The following ESRRB variants were observed in gnomAD, a reference collection of about 807,000 sequenced individuals.
ESRRB encodes the protein steroid hormone receptor ERR2.
ESRRB carries 16 observed loss-of-function variants against 46.0 expected under a neutral mutation model. The ratio of observed to expected loss-of-function variants is 0.35; its 90% CI spans 0.24 to 0.53. ESRRB has a LOEUF of 0.53. ESRRB is among the 20% of genes least tolerant of loss of function. The probability of loss-of-function intolerance (pLI) is 0.93; values close to 1 mark genes in which losing one functional copy is unlikely to be tolerated. For synonymous variants in ESRRB, 246 were observed against 259.6 expected, an observed-to-expected ratio of 0.95 and a Z score of 0.50; for missense variants, 488 against 607.4, an observed-to-expected ratio of 0.80 and a Z score of 2.07.
At position 76,481,883 on chromosome 14, in the gene ESRRB, C is replaced by T. The variant is rs576149631; in HGVS notation, c.578-133C>T. 146 of 795,540 alleles carry T rather than the reference C, an allele frequency of 1.8e-4. No individual in the cohort carries two copies. The African/African-American group carries it at 2.0e-3, about 11-fold the overall frequency. 49.3% of individuals were successfully genotyped at this position (795,540 alleles called of 1,614,324 possible). A position where few individuals can be genotyped will look rare whatever the true frequency, so the allele number is the denominator to read the frequency against. On this transcript the variant is annotated intron_variant, in intron 3 of 6. Coordinates refer to ENST00000644823, the MANE Select transcript of ESRRB (RefSeq NM_001379180.1). Reference sequence around the variant, plus strand: ...TCCAGCCACCTGGCCTGAGGCTGGCCGTGGGGCAGCTGTCGAAGGTCATCC... The same window carrying T: ...TCCAGCCACCTGGCCTGAGGCTGGCTGTGGGGCAGCTGTCGAAGGTCATCC...
intron 5 of ESRRB, among the ~76,000 whole-genome samples, chr14:76,488,872 C>A (rs1007796086): frequency 1.3e-5 from 2 of 152,194 alleles, no homozygotes; most frequent in African/African-American, 4.8e-5. Context: ...TCTTATATTG[C>A]AACTTTGTGC....
chr14:76,425,655 T>G (rs967869263), intron 1 of ESRRB, among the ~76,000 whole-genome samples: 6 of 152,212 alleles, frequency 3.9e-5, no homozygotes, highest in African/African-American at 1.4e-4. Flanking sequence ...AAGCCCTCTC[T>G]GGCAGCTCTA....
At chr14:76,416,289 C>T (rs911444072) in intron 1 of ESRRB, among the ~76,000 whole-genome samples, 9 of 152,086 alleles carry the variant, frequency 5.9e-5, no homozygotes, top group African/African-American at 1.9e-4. Flanking sequence ...GCGCCCACCA[C>T]CACACCCAGC....
At chr14:76,333,300 TTA>T (rs1443480341) in intron 1 of ESRRB, among the ~76,000 whole-genome samples, 1 of 19,506 alleles carries the variant, frequency 5.1e-5, no homozygotes. Flanking sequence ...ATTATATATT[TTA>T]TATATATGAT....
chr14:76,437,843 G>C (rs1357529217), intron 1 of ESRRB, among the ~76,000 whole-genome samples: 1 of 152,190 alleles, frequency 6.6e-6, no homozygotes, highest in Non-Finnish European at 1.5e-5. Context: ...GCTGGGATAC[G>C]GGAGGGGAAC....
In ESRRB at chr14:76,494,267, T is replaced by C. The variant is rs185461567; in HGVS notation, c.1120+2551T>C. On this transcript the variant is annotated intron_variant, in intron 6 of 6. Transcript: ENST00000644823. ...TGCATTCTTTGTTAGAGAATCCTAA[T>C]GCTGTTTTTTTAAAGTATAGTTTTA... 2.0e-3 allele frequency among the ~76,000 whole-genome samples: 297 copies of C among 152,212 alleles called. 1 individual carries two copies. The highest frequency in any genetic ancestry group is 6.9e-3 in the African/African-American group (288 of 41,548).
At chr14:76,419,470 T>C (rs890469482) in intron 1 of ESRRB, among the ~76,000 whole-genome samples, 1 of 152,118 alleles carries the variant, frequency 6.6e-6, no homozygotes, top group Non-Finnish European at 1.5e-5. Flanking sequence ...GGTGAGAATA[T>C]TCACCCCCGA....
intron 1 of ESRRB, among the ~76,000 whole-genome samples, chr14:76,431,874 C>T (rs117185209): frequency 0.01 from 1,575 of 152,284 alleles, 15 homozygotes; most frequent in Non-Finnish European, 0.015. Context: ...CAGCTGCCTC[C>T]TGCCTCATCC....
chr14:76,360,484 C>A (rs1371102426), intron 1 of ESRRB, among the ~76,000 whole-genome samples: 34 of 152,174 alleles, frequency 2.2e-4, no homozygotes. Context: ...AGGCTAGAAC[C>A]CATGAAATCA....
chr14:76,404,057 C>T (rs1042419184), intron 1 of ESRRB, among the ~76,000 whole-genome samples: 2 of 152,166 alleles, frequency 1.3e-5, no homozygotes, highest in African/African-American at 2.4e-5. Context: ...ATTGGTGTGA[C>T]TTGGACAAGT....
chr14:76,409,264 T>C (rs1322182016), intron 1 of ESRRB, among the ~76,000 whole-genome samples: 1 of 152,124 alleles, frequency 6.6e-6, no homozygotes, highest in Non-Finnish European at 1.5e-5. Flanking sequence ...TATGTATCAG[T>C]TTTTGGATCT....
Position 76,422,282 on chromosome 14 carries a change from C to T in ESRRB, c.51-17059C>T, listed in dbSNP as rs1374855174. On this transcript the variant is annotated intron_variant, in intron 1 of 6. Coordinates refer to ENST00000644823, the MANE Select transcript of ESRRB (RefSeq NM_001379180.1). ...CTGGAGTACAGTGGCGCAATCTCAGCTCACTGCAACCTCCGCCTCCCGGGT... is the reference window on the plus strand; with the variant it reads ...CTGGAGTACAGTGGCGCAATCTCAGTTCACTGCAACCTCCGCCTCCCGGGT... Among the ~76,000 whole-genome samples, 3 of 146,936 alleles carry T rather than the reference C, an allele frequency of 2.0e-5. No individual in the cohort carries two copies. In the Admixed American group the frequency reaches 2.1e-4, roughly 10 times the overall value.
In ESRRB at chr14:76,363,072, A is replaced by G. The variant is rs566572040; in HGVS notation, c.2+52156A>G. 2.6e-5 allele frequency among the ~76,000 whole-genome samples: 4 copies of G among 152,314 alleles called. No individual in the cohort carries two copies. The South Asian group carries it at 8.3e-4, about 32-fold the overall frequency. On this transcript the variant is annotated intron_variant, in intron 1 of 6. Coordinates refer to the ESRRB transcript ENST00000512784. ...TCCTCTACCCTATCCTTTGATGGTG[A>G]CAGCAAGAAGTGCATCTCCTTGGTT...
At chr14:76,492,747 G>A (rs1890277123) in intron 6 of ESRRB, among the ~76,000 whole-genome samples, 1 of 152,174 alleles carries the variant, frequency 6.6e-6, no homozygotes. Context: ...GGTTTAAGCT[G>A]GAGTTACAAA....
At chr14:76,375,410 T>A (rs1028094145), upstream of ESRRB, among the ~76,000 whole-genome samples, 1 of 152,148 alleles carries the variant, frequency 6.6e-6, no homozygotes, top group Non-Finnish European at 1.5e-5. Flanking sequence ...GGTAAGTTGA[T>A]CATTTTCACC....
At chr14:76,432,520 C>T (rs1469397542) in intron 1 of ESRRB, among the ~76,000 whole-genome samples, 3 of 152,310 alleles carry the variant, frequency 2.0e-5, no homozygotes, top group Middle Eastern at 3.4e-3. Context: ...TCCTACTTCA[C>T]AGAGTCACTG....
intron 3 of ESRRB, among the ~76,000 whole-genome samples, chr14:76,465,998 C>T (rs1366468536): frequency 3.3e-5 from 5 of 152,252 alleles, no homozygotes; most frequent in Admixed American, 1.3e-4. Flanking sequence ...CTCTTGGCAG[C>T]TGCCTGGCTT....
Position 76,401,729 on chromosome 14 carries a change from A to C in ESRRB, c.50+25278A>C, listed in dbSNP as rs80141504. 4.0e-3 allele frequency among the ~76,000 whole-genome samples: 610 copies of C among 152,340 alleles called. 4 individuals carry two copies. Among genetic ancestry groups the C allele is most frequent in the African/African-American group, 0.014 (589 of 41,576 alleles). On this transcript the variant is annotated intron_variant, in intron 1 of 6. Coordinates refer to ENST00000644823, the MANE Select transcript of ESRRB (RefSeq NM_001379180.1). ...ATACAGCCTAGGGGTGTAGTAGGCT[A>C]TGCCATCTAGGCTTGTGCAAGTACA...
chr14:76,409,329 G>A (rs1886333035), intron 1 of ESRRB, among the ~76,000 whole-genome samples: 1 of 152,188 alleles, frequency 6.6e-6, no homozygotes, highest in South Asian at 2.1e-4. Context: ...TAAATGGGAA[G>A]GAGTTGGAGG....
Sources: gnomAD v4.1 joint callset for allele counts (sites outside exome capture counted in the v4.1 genomes callset) on GRCh38, gnomAD v4.1.1 for gene constraint, MANE v1.5 for transcripts, NCBI Gene and HGNC (gene_info 2026-07-23, HGNC 2026-07-21) for gene names.